Variants in ARMC12 observed in about 807,000 individuals in gnomAD.
ARMC12 encodes armadillo repeat containing 12.
In ARMC12, 25 loss-of-function variants were observed where a neutral mutation model predicts 37.4. That is an observed-to-expected ratio of 0.67 (90% CI 0.49 to 0.93). The LOEUF is 0.93. Among genes scored for constraint, ARMC12 ranks in the 40% least tolerant of loss-of-function variants. The pLI is 0.00. For synonymous variants in ARMC12, 167 were observed against 176.1 expected (o/e 0.95, Z 0.41); for missense variants, 384 against 426.6 (o/e 0.90, Z 0.88).
intron 3 of ARMC12, among the ~76,000 whole-genome samples, chr6:35,741,282 T>C (rs188352456): frequency 4.6e-5 from 7 of 152,140 alleles, no homozygotes; most frequent in Non-Finnish European, 1.0e-4. Flanking sequence ...TTCTAGGGTG[T>C]GTATGCAGGA....
rs1767386635 is a variant in ARMC12 at position 35,747,721 on chromosome 6, C to T, written c.690+74C>T. The T allele has an allele frequency of 2.7e-6, 4 of 1,469,506 alleles. No individual in the cohort carries two copies. The African/African-American group carries it at 4.2e-5, about 15-fold the overall frequency. 91.0% of individuals were successfully genotyped at this position (1,469,506 alleles called of 1,614,324 possible). A position where few individuals can be genotyped will look rare whatever the true frequency, so the allele number is the denominator to read the frequency against. On this transcript the variant is annotated intron_variant, in intron 5 of 5. Coordinates refer to ENST00000373866, the MANE Select transcript of ARMC12 (RefSeq NM_001286574.2). ...GGGGAGGGAAGAATCATGGCATCTC[C>T]AGACAGATTTACCCCTGATGAATTG... is the stretch of plus-strand genomic sequence containing the variant.
chr6:35,737,262 T>G lies in ARMC12; in HGVS notation c.154T>G (p.Cys52Gly). The change falls in exon 1 of 6, where the codon TGC becomes GGC. Residue 52 changes from cysteine (C) to glycine (G), a missense_variant. Physicochemically the swap from Cys to Gly is radical, Grantham distance 159 (BLOSUM62 -3). Coordinates refer to ENST00000373866, the MANE Select transcript of ARMC12 (RefSeq NM_001286574.2). The part of the protein sequence containing the change: ...KPPLCSNSPI[C>G]IARLAVERER... ...ACCCCTCTGTAGCAACTCACCCATC[T>G]GCATCGCCCGTGAGTGTCCGGGCCC... The G allele has an allele frequency of 6.2e-7, 1 of 1,614,250 alleles. No individual in the cohort carries two copies. The highest frequency in any genetic ancestry group is 1.6e-4 in the Middle Eastern group (1 of 6,062).
chr6:35,741,418 A>T (rs937339553), intron 3 of ARMC12, among the ~76,000 whole-genome samples: 7 of 145,268 alleles, frequency 4.8e-5, no homozygotes, highest in Non-Finnish European at 7.6e-5. Flanking sequence ...TCACATTTTA[A>T]TTTTTTTTTT....
At position 35,737,155 on chromosome 6, in the gene ARMC12, A is replaced by G. The variant is rs766729689; in HGVS notation, c.47A>G (p.Lys16Arg). The change falls in exon 1 of 6, where the codon AAA becomes AGA. Residue 16 changes from lysine (K) to arginine (R), a missense_variant. By Grantham distance (26) the Lys-to-Arg change is conservative. Transcript: ENST00000373866. ...TACCTGGGGCAACTGGACATCCGCAAAAGCGTAGTCAGCCTGGCCACAGGC... is the reference window on the plus strand; with the variant it reads ...TACCTGGGGCAACTGGACATCCGCAGAAGCGTAGTCAGCCTGGCCACAGGC... ...PQYLGQLDIR[K>R]SVVSLATGAG... 4 of 1,614,104 alleles carry G rather than the reference A, an allele frequency of 2.5e-6. No homozygotes were observed. In the African/African-American group the frequency reaches 5.3e-5, roughly 22 times the overall value.
At chr6:35,743,801 A>G (rs957788154) in intron 3 of ARMC12, among the ~76,000 whole-genome samples, 12 of 151,916 alleles carry the variant, frequency 7.9e-5, no homozygotes, top group Admixed American at 6.6e-4. Context: ...TCAAGAAGAA[A>G]ATCTTGAACC....
intron 1 of ARMC12, chr6:35,737,474 C>T: frequency 7.0e-7 from 1 of 1,429,562 alleles, no homozygotes; most frequent in South Asian, 1.3e-5. Flanking sequence ...GGATCTCACT[C>T]AAGTGGATCC....
chr6:35,746,417 G>A (rs1037645766), intron 3 of ARMC12, among the ~76,000 whole-genome samples: 4 of 152,002 alleles, frequency 2.6e-5, no homozygotes, highest in African/African-American at 9.7e-5. Flanking sequence ...GGGAGAGAGG[G>A]GCAGATCACA....
chr6:35,735,623 T>G (rs1766941900), upstream of ARMC12: 1 of 152,154 alleles, frequency 6.6e-6, no homozygotes, highest in Non-Finnish European at 1.5e-5. The surrounding 1 kb of genome is among the most constrained non-coding windows in gnomAD (Gnocchi z 4.0). Flanking sequence ...GGTGAACACC[T>G]GTTCTGGTGC....
At chr6:35,747,728 ATTT>A (rs1314714310) in intron 5 of ARMC12, 81 bp downstream of exon 5, 10 of 1,417,118 alleles carry the variant, frequency 7.1e-6, no homozygotes, top group African/African-American at 4.2e-5. Context: ...CTCCAGACAG[ATTT>A]ACCCCTGATG....
At chr6:35,747,026 G>A (rs1157107290) in intron 3 of ARMC12, among the ~76,000 whole-genome samples, 1 of 125,264 alleles carries the variant, frequency 8.0e-6, no homozygotes, top group Non-Finnish European at 1.6e-5. Flanking sequence ...GAAAAGAGGA[G>A]GTTGGGCAGA....
intron 3 of ARMC12, among the ~76,000 whole-genome samples, chr6:35,746,656 AG>A (rs1443596525): frequency 6.6e-6 from 1 of 152,058 alleles, no homozygotes; most frequent in Admixed American, 6.6e-5. Flanking sequence ...GAATTTTGAT[AG>A]ATTTTTGAAG....
At chr6:35,739,905 T>C (rs1257999713) in intron 3 of ARMC12, among the ~76,000 whole-genome samples, 1 of 152,176 alleles carries the variant, frequency 6.6e-6, no homozygotes, top group Non-Finnish European at 1.5e-5. Flanking sequence ...TCCCCAGAAG[T>C]TGGGAGCAAA....
At chr6:35,746,939 AG>A (rs1767354475) in intron 3 of ARMC12, among the ~76,000 whole-genome samples, 1 of 151,640 alleles carries the variant, frequency 6.6e-6, no homozygotes, top group Non-Finnish European at 1.5e-5. Context: ...AGAGACATAA[AG>A]GGGAGAGTCA....
chr6:35,740,859 A>G (rs530618087), intron 3 of ARMC12, among the ~76,000 whole-genome samples: 2,388 of 149,380 alleles, frequency 0.016, 61 homozygotes, highest in African/African-American at 0.053. Context: ...TGCTACGTGG[A>G]GAGATTCATC....
At position 35,738,161 on chromosome 6, in the gene ARMC12, C is replaced by T. The variant is rs567126334; in HGVS notation, c.298C>T (p.Leu100=). The stretch of plus-strand genomic sequence containing the variant: ...CAGTATCACTCGCTGTGTGTACTTG[C>T]TGGAGGCTGAGGTAAGGGAAGCAGG... ...LHSITRCVYL[L]EAEASACTTD... Residue 100 remains leucine, a synonymous_variant, in exon 2 of 6, where the codon CTG becomes TTG. Transcript: ENST00000373866. 1 of 1,611,952 alleles carries T rather than the reference C, an allele frequency of 6.2e-7. No homozygotes were observed. Among genetic ancestry groups the T allele is most frequent in the African/African-American group, 1.3e-5 (1 of 74,940 alleles).
At chr6:35,744,011 G>A (rs1767257980) in intron 3 of ARMC12, among the ~76,000 whole-genome samples, 3 of 151,976 alleles carry the variant, frequency 2.0e-5, no homozygotes, top group Admixed American at 2.0e-4. Flanking sequence ...AAGAGTTCAT[G>A]ACATCAAAAG....
At chr6:35,745,070 T>A (rs1334238599) in intron 3 of ARMC12, among the ~76,000 whole-genome samples, 2 of 152,222 alleles carry the variant, frequency 1.3e-5, no homozygotes, top group African/African-American at 4.8e-5. Context: ...TTTGGCAATT[T>A]CTTTCAGAAC....
Position 35,738,043 on chromosome 6 carries a change from A to T in ARMC12, c.180A>T (p.Arg60=), listed in dbSNP as rs1226744448. 1.9e-6 allele frequency: 3 copies of T among 1,613,666 alleles called. No individual in the cohort carries two copies. The highest frequency in any genetic ancestry group is 2.5e-6 in the Non-Finnish European group (3 of 1,180,024). ...PICIARLAVE[R]ERHGRDSGEL... The stretch of plus-strand genomic sequence containing the variant: ...GCTGTCTAGGCCTGGCAGTCGAGCG[A>T]GAGCGGCACGGGCGGGACTCAGGTG... The change falls in exon 2 of 6, where the codon CGA becomes CGT. Residue 60 remains arginine (R), a synonymous_variant. Coordinates refer to ENST00000373866, the MANE Select transcript of ARMC12 (RefSeq NM_001286574.2).
At chr6:35,732,783 G>T (rs930603987), upstream of ARMC12, among the ~76,000 whole-genome samples, 1 of 152,224 alleles carries the variant, frequency 6.6e-6, no homozygotes, top group African/African-American at 2.4e-5. Flanking sequence ...CAGGGCTCCT[G>T]TTCCTCATTT....
Sources: allele counts gnomAD v4.1 joint callset (sites outside exome capture counted in the v4.1 genomes callset), GRCh38; gene constraint gnomAD v4.1.1; non-coding constraint Gnocchi (gnomAD v3.1); transcripts MANE v1.5; gene names NCBI Gene and HGNC (gene_info 2026-07-23, HGNC 2026-07-21).